Variants in CTNNA3 observed in about 807,000 individuals in gnomAD.
The protein encoded by CTNNA3 is catenin alpha-3.
A neutral mutation model predicts 95.7 loss-of-function variants in CTNNA3; 76 were observed. The ratio of observed to expected loss-of-function variants is 0.79; its 90% CI spans 0.66 to 0.96. CTNNA3 has a LOEUF of 0.96. CTNNA3 is among the 40% of genes least tolerant of loss of function. The pLI, the probability that CTNNA3 is intolerant of heterozygous loss-of-function variation, is 0.00. For missense variants in CTNNA3, 1,191 were observed against 1,089.8 expected (o/e 1.09, Z -1.31); for synonymous variants, 431 against 374.4 (o/e 1.15, Z -1.74).
chr10:66,819,480 T>C (rs1342041491), intron 7 of CTNNA3, among the ~76,000 whole-genome samples: 1 of 151,990 alleles, frequency 6.6e-6, no homozygotes, highest in East Asian at 1.9e-4. Context: ...GAAAAATAAA[T>C]AGGTATACTG....
intron 7 of CTNNA3, among the ~76,000 whole-genome samples, chr10:66,896,657 C>T (rs1845503510): frequency 6.6e-6 from 1 of 152,140 alleles, no homozygotes; most frequent in African/African-American, 2.4e-5. Flanking sequence ...GAGAATCTTC[C>T]AGGCCACACC....
chr10:66,492,914 A>G (rs190261862), intron 11 of CTNNA3, among the ~76,000 whole-genome samples: 31 of 152,254 alleles, frequency 2.0e-4, no homozygotes, highest in African/African-American at 7.5e-4. Context: ...TTTTCCTGTC[A>G]TCTGATTTCT....
intron 10 of CTNNA3, among the ~76,000 whole-genome samples, chr10:66,618,614 A>C (rs1844620922): frequency 6.6e-6 from 1 of 152,210 alleles, no homozygotes; most frequent in Non-Finnish European, 1.5e-5. Context: ...ACCCTAGAAG[A>C]AAACCTAGGC....
chr10:67,143,393 T>C (rs1860684147), intron 7 of CTNNA3, among the ~76,000 whole-genome samples: 1 of 125,766 alleles, frequency 8.0e-6, no homozygotes, highest in African/African-American at 3.1e-5. Context: ...CTCACTACAC[T>C]CCAGCCTGGG....
chr10:67,751,078 C>T lies in CTNNA3; in HGVS notation c.-2+12356G>A. 4.2e-6 allele frequency: 6 copies of T among 1,443,104 alleles called. No individual in the cohort carries two copies. The South Asian group carries it at 6.9e-5, about 17-fold the overall frequency. 89.4% of individuals were successfully genotyped at this position (1,443,104 alleles called of 1,614,324 possible). On this transcript the variant is annotated intron_variant, in intron 1 of 17. Transcript: ENST00000684154. The stretch of plus-strand genomic sequence containing the variant: ...GTGACTGTGATCCCCAAGTCTGTGA[C>T]ACCAGCACGCATTGTTGAGAACATT...
rs1461973910 is a variant in CTNNA3 at position 66,515,913 on chromosome 10, C to A, written c.1531+4704G>T. Among the ~76,000 whole-genome samples the A allele has an allele frequency of 3.3e-5, 5 of 152,084 alleles. No homozygotes were observed. In the East Asian group the frequency reaches 5.8e-4, roughly 18 times the overall value. On this transcript the variant is annotated intron_variant, in intron 11 of 17. Coordinates refer to ENST00000433211, the MANE Select transcript of CTNNA3 (RefSeq NM_013266.4). Reference sequence around the variant, plus strand: ...AGATGAGATTTTGGTGGGGACATAGCCAAGCCATATCAATCATTCTTCACA... The same window carrying A: ...AGATGAGATTTTGGTGGGGACATAGACAAGCCATATCAATCATTCTTCACA...
intron 5 of CTNNA3, among the ~76,000 whole-genome samples, chr10:67,491,935 T>C (rs912292275): frequency 5.9e-5 from 9 of 152,114 alleles, no homozygotes; most frequent in Non-Finnish European, 4.4e-5. Context: ...ATATATGATA[T>C]ATAATACGTT....
chr10:67,250,238 T>C (rs1866054440), intron 5 of CTNNA3, among the ~76,000 whole-genome samples: 1 of 151,286 alleles, frequency 6.6e-6, no homozygotes, highest in Non-Finnish European at 1.5e-5. Flanking sequence ...TTTTTTGAGA[T>C]GGAGTCTCAC....
chr10:66,035,585 G>A (rs566300382), intron 15 of CTNNA3, among the ~76,000 whole-genome samples: 46 of 149,848 alleles, frequency 3.1e-4, no homozygotes, highest in Admixed American at 2.5e-3. Context: ...TATATTCTCA[G>A]TAGATACTTT....
chr10:66,898,882 A>T (rs1845608534), intron 7 of CTNNA3, among the ~76,000 whole-genome samples: 1 of 152,210 alleles, frequency 6.6e-6, no homozygotes. Context: ...TCAGGCTTAA[A>T]AGCTTCTGCA....
chr10:66,922,804 T>C (rs1846859272), intron 7 of CTNNA3, among the ~76,000 whole-genome samples: 1 of 152,206 alleles, frequency 6.6e-6, no homozygotes, highest in Admixed American at 6.5e-5. Flanking sequence ...TTTTGTTTTA[T>C]TTTTATTTTA....
At chr10:67,173,694 T>G (rs1485755788) in intron 7 of CTNNA3, among the ~76,000 whole-genome samples, 2 of 152,220 alleles carry the variant, frequency 1.3e-5, no homozygotes, top group African/African-American at 4.8e-5. Context: ...GCCAGGATTC[T>G]TGATTCTTAC....
intron 7 of CTNNA3, among the ~76,000 whole-genome samples, chr10:66,818,202 G>T (rs764117854): frequency 2.6e-5 from 4 of 151,822 alleles, no homozygotes; most frequent in Non-Finnish European, 5.9e-5. Context: ...AACACTGAAA[G>T]TCTTTCCCTA....
At chr10:67,583,597 T>A (rs184934495) in intron 3 of CTNNA3, among the ~76,000 whole-genome samples, 1 of 152,188 alleles carries the variant, frequency 6.6e-6, no homozygotes, top group African/African-American at 2.4e-5. Context: ...TGAATTTGAA[T>A]GTTGGCCTGC....
At chr10:66,061,962 C>T (rs10509252) in intron 15 of CTNNA3, among the ~76,000 whole-genome samples, 12,634 of 152,148 alleles carry the variant, frequency 0.083, 789 homozygotes, top group East Asian at 0.19. Flanking sequence ...GGGTCTTATC[C>T]TGTGTTTAGC....
intron 14 of CTNNA3, among the ~76,000 whole-genome samples, chr10:66,076,677 A>G (rs532840786): frequency 1.3e-4 from 19 of 151,868 alleles, no homozygotes; most frequent in Non-Finnish European, 2.8e-4. Context: ...CTGGGTCGAA[A>G]CAGAGTAAAT....
chr10:65,986,911 A>G (rs2078440851), intron 16 of CTNNA3, among the ~76,000 whole-genome samples: 1 of 151,880 alleles, frequency 6.6e-6, no homozygotes, highest in Non-Finnish European at 1.5e-5. Context: ...ATAAATTCAC[A>G]TATTTATAGC....
At chr10:67,181,911 C>A (rs566660779) in intron 6 of CTNNA3, among the ~76,000 whole-genome samples, 58 of 152,014 alleles carry the variant, frequency 3.8e-4, no homozygotes, top group African/African-American at 1.3e-3. Context: ...GTTTCTTAAT[C>A]CTGAGTCATG....
intron 7 of CTNNA3, among the ~76,000 whole-genome samples, chr10:67,066,561 A>G (rs937418323): frequency 2.0e-4 from 31 of 151,244 alleles, no homozygotes; most frequent in Non-Finnish European, 7.4e-5. Context: ...AGGTACATAC[A>G]CACCAACCAT....
Sources: gnomAD v4.1 joint callset for allele counts (sites outside exome capture counted in the v4.1 genomes callset) on GRCh38, gnomAD v4.1.1 for gene constraint, MANE v1.5 for transcripts, NCBI Gene and HGNC (gene_info 2026-07-23, HGNC 2026-07-21) for gene names.